The following SYT1 variants were observed in gnomAD, a reference collection of about 807,000 sequenced individuals.
The protein encoded by SYT1 is synaptotagmin-1.
In SYT1, 8 loss-of-function variants were observed where a neutral mutation model predicts 44.8. The observed-to-expected ratio is 0.18, with a 90% CI of 0.10 to 0.32. The LOEUF (loss-of-function observed/expected upper bound fraction) is 0.32. SYT1 is among the 10% of genes least tolerant of loss of function. The pLI is 1.00. For missense variants in SYT1, 286 were observed against 509.3 expected, an observed-to-expected ratio of 0.56 and a Z score of 4.22; for synonymous variants, 154 against 188.8, an observed-to-expected ratio of 0.82 and a Z score of 1.51.
intron 2 of SYT1, among the ~76,000 whole-genome samples, chr12:78,986,481 G>A (rs1056453768): frequency 2.0e-5 from 3 of 151,448 alleles, no homozygotes; most frequent in Admixed American, 1.3e-4. Context: ...AATTATCCTT[G>A]CCTTTTATTT....
At position 79,230,744 on chromosome 12, in the gene SYT1, CAGTA is replaced by C. The variant is rs371746465; in HGVS notation, c.166+13062_166+13065del. 4.0e-3 allele frequency among the ~76,000 whole-genome samples: 615 copies of C among 152,164 alleles called. 3 individuals are homozygous for C. Among genetic ancestry groups the C allele is most frequent in the African/African-American group, 0.014 (579 of 41,524 alleles). ...CCAAAGCACAGGTAATACAGAGTAA[CAGTA>C]AGCACAAAAAGCCACCAAGTAAATT... On this transcript the variant is annotated intron_variant, in intron 4 of 10. Coordinates refer to ENST00000261205, the MANE Select transcript of SYT1 (RefSeq NM_005639.3).
At position 79,449,640 on chromosome 12, in the gene SYT1, A is replaced by G. The variant is rs555014447; in HGVS notation, c.*516A>G. The G allele has an allele frequency of 6.5e-6, 1 of 153,130 alleles. No individual in the cohort carries two copies. The allele number at this position is 153,130 out of a possible 1,614,324, so 9.5% of individuals were successfully genotyped here. On this transcript the variant is annotated 3_prime_UTR_variant, in exon 11 of 11. Transcript: ENST00000261205. Reference sequence around the variant, plus strand: ...AAACTGACATCTTAAAGGACAACTTAAACCTGAGCTTTCTATTGAATCATT... The same window carrying G: ...AAACTGACATCTTAAAGGACAACTTGAACCTGAGCTTTCTATTGAATCATT...
chr12:78,977,161 A>G (rs1868905650), intron 1 of SYT1, among the ~76,000 whole-genome samples: 1 of 152,168 alleles, frequency 6.6e-6, no homozygotes, highest in Admixed American at 6.5e-5. Context: ...GAAAGTGAGG[A>G]AGGAAGGGAA....
At chr12:79,390,988 C>G (rs989849286) in intron 9 of SYT1, among the ~76,000 whole-genome samples, 31 of 152,174 alleles carry the variant, frequency 2.0e-4, no homozygotes, top group African/African-American at 7.0e-4. Context: ...CTTCCTCTTT[C>G]AGTGTTGGCT....
At chr12:79,428,260 C>T (rs536330658) in intron 9 of SYT1, among the ~76,000 whole-genome samples, 2 of 152,208 alleles carry the variant, frequency 1.3e-5, no homozygotes, top group East Asian at 3.9e-4. Flanking sequence ...ATCCTGGAAC[C>T]CAGAGTTTAG....
intron 3 of SYT1, among the ~76,000 whole-genome samples, chr12:79,060,197 T>C (rs1165078843): frequency 6.6e-6 from 1 of 152,270 alleles, no homozygotes; most frequent in Middle Eastern, 3.4e-3. Flanking sequence ...AAAAGTTCTC[T>C]GTTCCCTTAC....
intron 3 of SYT1, among the ~76,000 whole-genome samples, chr12:79,158,506 G>C (rs1339327321): frequency 6.6e-6 from 1 of 152,074 alleles, no homozygotes; most frequent in Non-Finnish European, 1.5e-5. Flanking sequence ...CACCAGTACT[G>C]GTCCATGGCC....
chr12:78,897,008 T>C (rs931893280), intron 1 of SYT1, among the ~76,000 whole-genome samples: 1 of 151,880 alleles, frequency 6.6e-6, no homozygotes, highest in Non-Finnish European at 1.5e-5. Context: ...TTCTTTTGAC[T>C]TAACAAAATA....
intron 10 of SYT1, among the ~76,000 whole-genome samples, chr12:79,445,288 A>G (rs1292299607): frequency 1.3e-5 from 2 of 152,058 alleles, no homozygotes; most frequent in Non-Finnish European, 2.9e-5. Context: ...ATCATCTCAA[A>G]CATTTATCAT....
At chr12:79,417,380 C>T (rs1868808367) in intron 9 of SYT1, among the ~76,000 whole-genome samples, 1 of 151,956 alleles carries the variant, frequency 6.6e-6, no homozygotes, top group Admixed American at 6.6e-5. Flanking sequence ...CCTCCTAAAT[C>T]TCTCTCTTAT....
intron 1 of SYT1, among the ~76,000 whole-genome samples, chr12:78,888,280 A>G (rs1222984873): frequency 4.0e-5 from 6 of 151,794 alleles, no homozygotes; most frequent in African/African-American, 1.4e-4. Flanking sequence ...CAATTCTTAG[A>G]CCTCATCTTC....
At chr12:79,137,409 A>G (rs1205468357) in intron 3 of SYT1, among the ~76,000 whole-genome samples, 1 of 152,012 alleles carries the variant, frequency 6.6e-6, no homozygotes, top group Non-Finnish European at 1.5e-5. Flanking sequence ...ACTTTTTTAT[A>G]CTTGGAACTT....
At chr12:79,065,270 G>A (rs146955031) in intron 3 of SYT1, among the ~76,000 whole-genome samples, 27 of 152,294 alleles carry the variant, frequency 1.8e-4, no homozygotes, top group African/African-American at 6.5e-4. Context: ...TGTAGTCCCA[G>A]ATACTAGGGA....
chr12:79,161,321 T>C (rs1351014686), intron 3 of SYT1, among the ~76,000 whole-genome samples: 1 of 152,126 alleles, frequency 6.6e-6, no homozygotes, highest in East Asian at 1.9e-4. Context: ...ATACTTACCA[T>C]TGTGTTACAG....
chr12:78,865,441 G>A (rs1873484648), intron 1 of SYT1, among the ~76,000 whole-genome samples: 1 of 151,448 alleles, frequency 6.6e-6, no homozygotes, highest in Non-Finnish European at 1.5e-5. Context: ...CTCCCCTCTC[G>A]CCCTCCTCCC....
At chr12:79,303,442 C>T (rs772896308) in intron 8 of SYT1, among the ~76,000 whole-genome samples, 1 of 151,852 alleles carries the variant, frequency 6.6e-6, no homozygotes, top group Non-Finnish European at 1.5e-5. Flanking sequence ...ATGCTGCAAG[C>T]TCTCATGACT....
chr12:79,125,451 C>CAAAAAAAAAA (rs61296536), intron 3 of SYT1, among the ~76,000 whole-genome samples: 203 of 98,992 alleles, frequency 2.1e-3, no homozygotes, highest in Middle Eastern at 0.011. Context: ...ACTGTCTCTA[C>CAAAAAAAAAA]AAAAAAAAAA....
At chr12:78,993,188 C>G (rs1292927869) in intron 2 of SYT1, among the ~76,000 whole-genome samples, 30 of 152,124 alleles carry the variant, frequency 2.0e-4, no homozygotes, top group Admixed American at 2.0e-3. Context: ...TTATCCTGAA[C>G]CCCAATCTGT....
chr12:79,151,611 ACC>A (rs1870278454), intron 3 of SYT1, among the ~76,000 whole-genome samples: 1 of 152,162 alleles, frequency 6.6e-6, no homozygotes, highest in Non-Finnish European at 1.5e-5. Context: ...TGGGAAGTTG[ACC>A]AGGTACAGCC....
Sources: gnomAD v4.1 joint callset for allele counts (sites outside exome capture counted in the v4.1 genomes callset) on GRCh38, gnomAD v4.1.1 for gene constraint, MANE v1.5 for transcripts, NCBI Gene and HGNC (gene_info 2026-07-23, HGNC 2026-07-21) for gene names.